Variants in ARHGAP35 observed in about 807,000 individuals in gnomAD.
The protein encoded by ARHGAP35 is rho GTPase-activating protein 35.
Under a neutral mutation model 111.1 loss-of-function variants are expected in ARHGAP35, and 15 were observed. The ratio of observed to expected loss-of-function variants is 0.13; its 90% CI spans 0.09 to 0.21. The LOEUF (loss-of-function observed/expected upper bound fraction) is 0.21. Among genes scored for constraint, ARHGAP35 ranks in the 10% least tolerant of loss-of-function variants. The pLI is 1.00. For missense variants in ARHGAP35, 1,262 were observed against 1,873.0 expected, an observed-to-expected ratio of 0.67 and a Z score of 6.02; for synonymous variants, 643 against 710.3, an observed-to-expected ratio of 0.91 and a Z score of 1.51.
intron 1 of ARHGAP35, among the ~76,000 whole-genome samples, chr19:46,893,117 A>G (rs985581276): frequency 3.4e-4 from 52 of 152,144 alleles, no homozygotes; most frequent in African/African-American, 1.2e-3. Flanking sequence ...TGTAAGGGAG[A>G]AGGCTATAAA....
chr19:46,921,350 C>G lies in ARHGAP35; in HGVS notation c.2675C>G (p.Ala892Gly). The G allele has an allele frequency of 6.2e-7, 1 of 1,613,940 alleles. No individual in the cohort carries two copies. Residue 892 changes from alanine (A) to glycine (G), a missense_variant, in exon 2 of 7, where the codon GCT becomes GGT. Transcript: ENST00000672722. This position sits in a 1 kb window ranked among gnomAD's most constrained non-coding sequence, Gnocchi z 4.3. The part of the protein sequence containing the change: ...PIQLVALTDG[A>G]VDVLDNDLSR... ...CAGCTTGTAGCACTCACTGATGGCGCTGTAGATGTCCTGGACAATGACTTA... is the reference window on the plus strand; with the variant it reads ...CAGCTTGTAGCACTCACTGATGGCGGTGTAGATGTCCTGGACAATGACTTA...
intron 1 of ARHGAP35, among the ~76,000 whole-genome samples, chr19:46,898,810 C>CTGT (rs939817170): frequency 2.0e-5 from 3 of 152,068 alleles, no homozygotes; most frequent in Non-Finnish European, 4.4e-5. Context: ...GCTGCTGCTG[C>CTGT]TGTTGGAGCT....
intron 1 of ARHGAP35, among the ~76,000 whole-genome samples, chr19:46,899,093 A>G (rs2056071401): frequency 6.6e-6 from 1 of 152,080 alleles, no homozygotes; most frequent in South Asian, 2.1e-4. Context: ...TACGGAGGAG[A>G]ATGTAGAAGG....
intron 1 of ARHGAP35, among the ~76,000 whole-genome samples, chr19:46,880,947 CTTTTTTT>C (rs1206653160): frequency 1.8e-5 from 2 of 113,730 alleles, no homozygotes; most frequent in Admixed American, 8.9e-5. Context: ...AATGAATGTT[CTTTTTTT>C]TTTTTTTTTT....
intron 1 of ARHGAP35, among the ~76,000 whole-genome samples, chr19:46,895,565 G>T (rs1752770825): frequency 6.6e-6 from 1 of 152,204 alleles, no homozygotes; most frequent in South Asian, 2.1e-4. Context: ...CAAGTAAAAT[G>T]ATATCCTTAA....
rs560471516 is a variant in ARHGAP35 at position 46,971,274 on chromosome 19, C to T, written c.3827-16715C>T. 1.1e-4 allele frequency among the ~76,000 whole-genome samples: 16 copies of T among 151,504 alleles called. No homozygotes were observed. The East Asian group carries it at 1.4e-3, about 13-fold the overall frequency. On this transcript the variant is annotated intron_variant, in intron 3 of 6. Coordinates refer to ENST00000672722, the MANE Select transcript of ARHGAP35 (RefSeq NM_004491.5). ...TACAAAAATTAGCCGGGCGTGGTGGCGTGCGTCTGTAGTCCCAGCTACTCG... is the reference window on the plus strand; with the variant it reads ...TACAAAAATTAGCCGGGCGTGGTGGTGTGCGTCTGTAGTCCCAGCTACTCG...
At chr19:46,890,000 A>T (rs1266069607) in intron 1 of ARHGAP35, among the ~76,000 whole-genome samples, 1 of 152,174 alleles carries the variant, frequency 6.6e-6, no homozygotes, top group Non-Finnish European at 1.5e-5. Flanking sequence ...CAGAATGAGT[A>T]TATGCTGAAT....
rs1206106427 is a variant in ARHGAP35, at chr19:46,902,597, G to A, written c.-188-15891G>A. Among the ~76,000 whole-genome samples, 3 of 152,094 alleles carry A rather than the reference G, an allele frequency of 2.0e-5. No homozygotes were observed. The East Asian group carries it at 5.8e-4, about 29-fold the overall frequency. On this transcript the variant is annotated intron_variant, in intron 1 of 6. Coordinates refer to ENST00000672722, the MANE Select transcript of ARHGAP35 (RefSeq NM_004491.5). ...TTTGAGCCTAGCTGTACCTTGCTTG[G>A]CTTTTAGCTCTCATGATTCAACTGG... is the stretch of plus-strand genomic sequence containing the variant.
At chr19:46,982,198 C>G (rs539560421) in intron 3 of ARHGAP35, among the ~76,000 whole-genome samples, 1 of 148,572 alleles carries the variant, frequency 6.7e-6, no homozygotes, top group South Asian at 2.4e-4. Flanking sequence ...GTAAAGGAGC[C>G]GGGTGCGGTG....
At chr19:46,887,475 C>T (rs1050483812) in intron 1 of ARHGAP35, among the ~76,000 whole-genome samples, 6 of 152,282 alleles carry the variant, frequency 3.9e-5, no homozygotes, top group South Asian at 2.1e-4. Flanking sequence ...GACTCTGTAA[C>T]ATCTGCAGCT....
chr19:46,887,952 C>T (rs1042021249), intron 1 of ARHGAP35, among the ~76,000 whole-genome samples: 1 of 148,236 alleles, frequency 6.7e-6, no homozygotes, highest in Non-Finnish European at 1.5e-5. Context: ...TAGTACTTTG[C>T]CTTTTTTTTT....
intron 1 of ARHGAP35, among the ~76,000 whole-genome samples, chr19:46,874,168 A>G (rs375587113): frequency 2.0e-5 from 3 of 152,348 alleles, no homozygotes; most frequent in East Asian, 1.9e-4. Flanking sequence ...AGTTCTTTGT[A>G]GTTCCAGAGG....
intron 1 of ARHGAP35, among the ~76,000 whole-genome samples, chr19:46,894,257 T>A (rs935459839): frequency 3.9e-5 from 6 of 152,106 alleles, no homozygotes; most frequent in Non-Finnish European, 8.8e-5. Flanking sequence ...TTAGAAAAAA[T>A]AACTTGATGA....
At chr19:46,916,752 TG>T in intron 1 of ARHGAP35, among the ~76,000 whole-genome samples, 2 of 152,280 alleles carry the variant, frequency 1.3e-5, no homozygotes, top group Admixed American at 1.3e-4. Flanking sequence ...ATTCATGTGT[TG>T]TTAACAATTT....
Position 46,919,501 on chromosome 19 carries a change from A to C in ARHGAP35, c.826A>C (p.Lys276Gln), listed in dbSNP as rs1253876555. The change falls in exon 2 of 7, where the codon AAG becomes CAG. Residue 276 changes from lysine to glutamine, a missense_variant. Lys to Gln is a moderately conservative substitution (Grantham distance 53, BLOSUM62 1). Transcript: ENST00000672722. This position sits in a 1 kb window ranked among gnomAD's most constrained non-coding sequence, Gnocchi z 6.2. The stretch of plus-strand genomic sequence containing the variant: ...TCAGCAGATAGCTACAGCAAAAGAC[A>C]AGTATGAGTGGCTGGTGAGTCGCAT... Reference protein sequence around the residue: ...QSQQIATAKDKYEWLVSRIVK... With the variant: ...QSQQIATAKDQYEWLVSRIVK... 4 of 1,613,976 alleles carry C rather than the reference A, an allele frequency of 2.5e-6. No individual in the cohort carries two copies. The highest frequency in any genetic ancestry group is 8.5e-7 in the Non-Finnish European group (1 of 1,179,898).
chr19:46,982,235 G>C (rs1348024737), intron 3 of ARHGAP35, among the ~76,000 whole-genome samples: 1 of 152,154 alleles, frequency 6.6e-6, no homozygotes, highest in Non-Finnish European at 1.5e-5. Flanking sequence ...CCAGCACTTT[G>C]GGAGGCCAAG....
intron 2 of ARHGAP35, among the ~76,000 whole-genome samples, chr19:46,934,699 G>T (rs311377): frequency 0.63 from 95,748 of 151,016 alleles, 30,910 homozygotes; most frequent in Middle Eastern, 0.79. Context: ...AGACGGGGTC[G>T]CACTTTGTCA....
chr19:46,965,511 G>T (rs2056509964), intron 3 of ARHGAP35, among the ~76,000 whole-genome samples: 1 of 151,700 alleles, frequency 6.6e-6, no homozygotes, highest in Non-Finnish European at 1.5e-5. Context: ...TTGAGACAGG[G>T]TCTCACTTTG....
intron 2 of ARHGAP35, among the ~76,000 whole-genome samples, chr19:46,936,481 G>A (rs1041161918): frequency 6.6e-6 from 1 of 152,160 alleles, no homozygotes; most frequent in Non-Finnish European, 1.5e-5. Context: ...TCTCATTTGG[G>A]TCTATCAGCC....
Sources: allele counts gnomAD v4.1 joint callset (sites outside exome capture counted in the v4.1 genomes callset), GRCh38; gene constraint gnomAD v4.1.1; non-coding constraint Gnocchi (gnomAD v3.1); transcripts MANE v1.5; gene names NCBI Gene and HGNC (gene_info 2026-07-23, HGNC 2026-07-21).